SHISA9: variants seen among roughly 807,000 people sequenced by gnomAD.
The protein encoded by SHISA9 is shisa family member 9.
Under a neutral mutation model 38.0 loss-of-function variants are expected in SHISA9, and 13 were observed. That is an observed-to-expected ratio of 0.34 (90% CI 0.22 to 0.54). SHISA9 has a LOEUF of 0.54. Ranked by LOEUF, SHISA9 falls within the 20% of genes least tolerant of loss-of-function variation. The pLI, the probability that SHISA9 is intolerant of heterozygous loss-of-function variation, is 0.91. For missense variants in SHISA9, 538 were observed against 575.8 expected, an observed-to-expected ratio of 0.93 and a Z score of 0.67; for synonymous variants, 275 against 242.0, an observed-to-expected ratio of 1.14 and a Z score of -1.27.
chr16:13,310,360 G>A, the SHISA9 span, among the ~76,000 whole-genome samples: 1 of 151,936 alleles, frequency 6.6e-6, no homozygotes, highest in Non-Finnish European at 1.5e-5. Flanking sequence ...GAACAGTTTA[G>A]TGAACATCCA....
At chr16:13,278,558 G>T in the SHISA9 span, among the ~76,000 whole-genome samples, 1 of 151,888 alleles carries the variant, frequency 6.6e-6, no homozygotes, top group Non-Finnish European at 1.5e-5. Flanking sequence ...GAGTTTTTTT[G>T]TTGGTAATTT....
At chr16:12,975,313 G>A (rs985314270) in intron 2 of SHISA9, among the ~76,000 whole-genome samples, 4 of 152,028 alleles carry the variant, frequency 2.6e-5, no homozygotes, top group Non-Finnish European at 4.4e-5. Flanking sequence ...GACCATCCTG[G>A]CCAACATGGT....
intron 2 of SHISA9, among the ~76,000 whole-genome samples, chr16:12,994,512 G>C (rs1158458981): frequency 6.6e-6 from 1 of 152,140 alleles, no homozygotes. Context: ...CCATGAGAAT[G>C]ACAAGCCCCA....
the SHISA9 span, among the ~76,000 whole-genome samples, chr16:13,420,625 G>T: frequency 2.0e-5 from 3 of 152,124 alleles, no homozygotes; most frequent in Non-Finnish European, 4.4e-5. Flanking sequence ...AGAAGGGAGG[G>T]TGTCTTTCTT....
intron 2 of SHISA9, among the ~76,000 whole-genome samples, chr16:13,175,861 CAT>C (rs1027834762): frequency 1.1e-3 from 170 of 152,244 alleles, no homozygotes; most frequent in African/African-American, 4.0e-3. Context: ...TAGAACGTCA[CAT>C]GTGAGGAGAC....
At chr16:12,975,512 A>G (rs2141817287) in intron 2 of SHISA9, among the ~76,000 whole-genome samples, 2 of 152,166 alleles carry the variant, frequency 1.3e-5, no homozygotes, top group East Asian at 3.9e-4. Context: ...AAAGAAAGAA[A>G]GGAAAAAGGA....
intron 4 of SHISA9, among the ~76,000 whole-genome samples, chr16:13,215,052 C>T (rs1352639869): frequency 6.6e-6 from 1 of 152,062 alleles, no homozygotes; most frequent in Admixed American, 6.5e-5. Context: ...AAGGCTCTTG[C>T]AGGTGGGTGG....
intron 2 of SHISA9, among the ~76,000 whole-genome samples, chr16:13,147,852 G>A (rs1432562641): frequency 6.6e-6 from 1 of 152,134 alleles, no homozygotes; most frequent in Non-Finnish European, 1.5e-5. Flanking sequence ...ACCTCCACCG[G>A]GTGGGAAAAT....
chr16:13,502,821 G>A, the SHISA9 span, among the ~76,000 whole-genome samples: 1 of 152,118 alleles, frequency 6.6e-6, no homozygotes, highest in African/African-American at 2.4e-5. Context: ...AGGTTGTAGT[G>A]AGCTAAGATC....
In SHISA9 at chr16:13,209,525, G is replaced by A. The variant is rs149468796; in HGVS notation, c.848-3728G>A. On this transcript the variant is annotated intron_variant, in intron 3 of 4. Coordinates refer to ENST00000558583, the MANE Select transcript of SHISA9 (RefSeq NM_001145204.3). ...CAGGCATATAGATACTGTAATGTTA[G>A]CCATCAGAGAAATATTCTGTTTCAA... 8.1e-3 allele frequency among the ~76,000 whole-genome samples: 1,236 copies of A among 152,308 alleles called. 16 individuals are homozygous for A. Among genetic ancestry groups the A allele is most frequent in the African/African-American group, 0.029 (1,185 of 41,548 alleles).
chr16:13,313,589 A>G, the SHISA9 span, among the ~76,000 whole-genome samples: 4 of 152,176 alleles, frequency 2.6e-5, no homozygotes, highest in Non-Finnish European at 5.9e-5. Flanking sequence ...TGTGTGTGGA[A>G]ATAGGGGAGG....
chr16:13,454,328 A>T, the SHISA9 span, among the ~76,000 whole-genome samples: 8 of 152,376 alleles, frequency 5.3e-5, no homozygotes, highest in South Asian at 2.1e-4. Context: ...GAGCTAAAAG[A>T]TGCAGGCAGA....
intron 2 of SHISA9, among the ~76,000 whole-genome samples, chr16:13,178,552 C>A (rs1290251658): frequency 6.6e-6 from 1 of 152,128 alleles, no homozygotes; most frequent in Non-Finnish European, 1.5e-5. Context: ...CAACATTTAA[C>A]CATTTGGCTA....
At chr16:13,495,824 C>T in the SHISA9 span, among the ~76,000 whole-genome samples, 1 of 151,942 alleles carries the variant, frequency 6.6e-6, no homozygotes, top group African/African-American at 2.4e-5. Context: ...CAGTACAAAA[C>T]ACTTTAGAAA....
At chr16:12,911,110 G>A (rs897248304) in intron 1 of SHISA9, 2 of 278,542 alleles carry the variant, frequency 7.2e-6, no homozygotes, top group South Asian at 1.3e-4. Context: ...ATCACAGTAC[G>A]CTTAGGGTCT....
the SHISA9 span, among the ~76,000 whole-genome samples, chr16:13,309,998 CT>C: frequency 1.3e-5 from 2 of 152,172 alleles, no homozygotes; most frequent in Admixed American, 6.5e-5. Flanking sequence ...AGTGATTCTC[CT>C]GCCTCAGCCC....
the SHISA9 span, among the ~76,000 whole-genome samples, chr16:13,283,719 A>C: frequency 6.6e-6 from 1 of 151,916 alleles, no homozygotes; most frequent in East Asian, 1.9e-4. Flanking sequence ...CAGCCAAACC[A>C]TATCATCTAG....
At chr16:13,169,864 G>C (rs920746149) in intron 2 of SHISA9, among the ~76,000 whole-genome samples, 1 of 152,134 alleles carries the variant, frequency 6.6e-6, no homozygotes, top group Non-Finnish European at 1.5e-5. Flanking sequence ...TGGCATGGCA[G>C]TCTGGTTATG....
At chr16:13,318,658 T>C in the SHISA9 span, among the ~76,000 whole-genome samples, 1 of 152,170 alleles carries the variant, frequency 6.6e-6, no homozygotes. Context: ...GGTGCAATGT[T>C]GCTCCCAGCT....
Sources: allele counts gnomAD v4.1 joint callset (sites outside exome capture counted in the v4.1 genomes callset), GRCh38; gene constraint gnomAD v4.1.1; transcripts MANE v1.5; gene names NCBI Gene and HGNC (gene_info 2026-07-23, HGNC 2026-07-21).